NTRK3: variants seen among roughly 807,000 people sequenced by gnomAD.
NTRK3 encodes the protein neurotrophic receptor tyrosine kinase 3, also known as NT-3 growth factor receptor.
Under a neutral mutation model 91.7 loss-of-function variants are expected in NTRK3, and 24 were observed. The observed-to-expected ratio is 0.26, with a 90% CI of 0.19 to 0.37. The LOEUF is 0.37. NTRK3 is among the 10% of genes least tolerant of loss of function. The pLI, the probability that NTRK3 is intolerant of heterozygous loss-of-function variation, is 1.00. For synonymous variants in NTRK3, 483 were observed against 404.0 expected, an observed-to-expected ratio of 1.20 and a Z score of -2.34; for missense variants, 880 against 1,068.9, an observed-to-expected ratio of 0.82 and a Z score of 2.46.
intron 13 of NTRK3, among the ~76,000 whole-genome samples, chr15:88,064,495 C>G (rs776978988): frequency 6.6e-6 from 1 of 152,146 alleles, no homozygotes; most frequent in Non-Finnish European, 1.5e-5. Flanking sequence ...TACACTCCCA[C>G]AGCCTCATCA....
At chr15:88,017,944 C>T (rs972067897) in intron 14 of NTRK3, among the ~76,000 whole-genome samples, 7 of 152,170 alleles carry the variant, frequency 4.6e-5, no homozygotes, top group Non-Finnish European at 1.0e-4. Flanking sequence ...GAATCCAATG[C>T]GAAGAGTTGC....
intron 14 of NTRK3, among the ~76,000 whole-genome samples, chr15:87,986,986 T>C (rs1596538816): frequency 6.6e-6 from 1 of 152,226 alleles, no homozygotes; most frequent in South Asian, 2.1e-4. Flanking sequence ...GGCCAATGAG[T>C]GATAGTTTGC....
intron 14 of NTRK3, among the ~76,000 whole-genome samples, chr15:87,999,320 A>G (rs2141601472): frequency 6.6e-6 from 1 of 152,294 alleles, no homozygotes; most frequent in East Asian, 1.9e-4. Context: ...TTCCTTGGCC[A>G]CTAGGATGCC....
chr15:87,869,674 T>C (rs1257679257), exon 19 of NTRK3: 2 of 200,568 alleles, frequency 1.0e-5, no homozygotes, highest in Non-Finnish European at 2.1e-5. Context: ...AGAAGAAATA[T>C]GAAAAAAAAT....
intron 5 of NTRK3, among the ~76,000 whole-genome samples, chr15:88,155,844 CTATA>C (rs1362664475): frequency 3.4e-5 from 5 of 145,716 alleles, no homozygotes; most frequent in African/African-American, 1.3e-4. Flanking sequence ...ATCTATCTAT[CTATA>C]TAAATGAGGT....
intron 13 of NTRK3, among the ~76,000 whole-genome samples, chr15:88,087,250 C>G (rs2048585220): frequency 6.6e-6 from 1 of 152,126 alleles, no homozygotes; most frequent in Admixed American, 6.5e-5. Flanking sequence ...GGTTCACAAG[C>G]TAAAGAGTGG....
chr15:88,012,594 T>G (rs2076958081), intron 14 of NTRK3, among the ~76,000 whole-genome samples: 1 of 152,226 alleles, frequency 6.6e-6, no homozygotes, highest in Admixed American at 6.5e-5. Flanking sequence ...AATGAGCCAT[T>G]TGCTGGTTTA....
At chr15:88,160,996 C>T (rs1036273294) in intron 5 of NTRK3, among the ~76,000 whole-genome samples, 36 of 152,120 alleles carry the variant, frequency 2.4e-4, no homozygotes, top group African/African-American at 8.2e-4. Flanking sequence ...CCTTATGGGG[C>T]AATTCTAAAG....
intron 14 of NTRK3, among the ~76,000 whole-genome samples, chr15:88,013,163 C>T (rs942455741): frequency 8.8e-4 from 119 of 135,538 alleles, no homozygotes; most frequent in African/African-American, 3.0e-3. Flanking sequence ...CAGCTGAAAC[C>T]GTGCACTGGT....
At chr15:88,065,286 T>C (rs752666213) in intron 13 of NTRK3, among the ~76,000 whole-genome samples, 1 of 152,208 alleles carries the variant, frequency 6.6e-6, no homozygotes, top group Admixed American at 6.5e-5. Flanking sequence ...AAGAAATCCA[T>C]ATAATCATAG....
At chr15:88,159,861 T>G (rs1259233950) in intron 5 of NTRK3, among the ~76,000 whole-genome samples, 3 of 151,562 alleles carry the variant, frequency 2.0e-5, no homozygotes, top group African/African-American at 7.3e-5. Flanking sequence ...GGGAGGTCCC[T>G]GCTGCCCAAA....
chr15:87,865,065 C>A (rs2064627842), exon 19 of NTRK3: 1 of 214,190 alleles, frequency 4.7e-6, no homozygotes, highest in East Asian at 6.9e-5. Flanking sequence ...CTGTATGAGG[C>A]AAAAGTTAAA....
intron 13 of NTRK3, among the ~76,000 whole-genome samples, chr15:88,042,853 A>C: frequency 6.6e-6 from 1 of 152,200 alleles, no homozygotes; most frequent in South Asian, 2.1e-4. Context: ...CACACAGTTA[A>C]TAAATGGTAA....
At chr15:88,184,398 T>A (rs371007396) in intron 3 of NTRK3, 99 bp from the exon 4 acceptor site, 1 of 1,157,080 alleles carries the variant, frequency 8.6e-7, no homozygotes. Context: ...GATGAGCTAA[T>A]TGATTGCCAG....
intron 14 of NTRK3, among the ~76,000 whole-genome samples, chr15:87,946,036 A>C (rs1251303247): frequency 2.6e-5 from 4 of 152,194 alleles, no homozygotes. Flanking sequence ...TTTCCTTTCC[A>C]ATTTTCATTT....
intron 3 of NTRK3, among the ~76,000 whole-genome samples, chr15:88,199,113 G>T (rs1427871295): frequency 6.6e-6 from 1 of 152,218 alleles, no homozygotes; most frequent in Non-Finnish European, 1.5e-5. Flanking sequence ...ACAGGGTGGG[G>T]TGGGGAGAAG....
chr15:87,941,998 C>G (rs1160301639), intron 14 of NTRK3, among the ~76,000 whole-genome samples: 1 of 152,214 alleles, frequency 6.6e-6, no homozygotes, highest in Non-Finnish European at 1.5e-5. Flanking sequence ...GCTGCAGATC[C>G]TGGGCCATGG....
chr15:88,252,373 T>TCCC (rs2053493718), intron 3 of NTRK3: 1 of 152,122 alleles, frequency 6.6e-6, no homozygotes, highest in Non-Finnish European at 1.5e-5. Context: ...GAAGAGGGCC[T>TCCC]TCAGGGAGGG....
intron 14 of NTRK3, among the ~76,000 whole-genome samples, chr15:87,960,366 T>A (rs538244183): frequency 6.6e-6 from 1 of 152,292 alleles, no homozygotes; most frequent in East Asian, 1.9e-4. Flanking sequence ...CCACTCAAGC[T>A]TTTATCTCCT....
Sources: allele counts gnomAD v4.1 joint callset (sites outside exome capture counted in the v4.1 genomes callset), GRCh38; gene constraint gnomAD v4.1.1; transcripts MANE v1.5; gene names NCBI Gene and HGNC (gene_info 2026-07-23, HGNC 2026-07-21).